The following AKAP12 variants were observed in gnomAD, a reference collection of about 807,000 sequenced individuals.
AKAP12 encodes A-kinase anchoring protein 12.
AKAP12 carries 32 observed loss-of-function variants against 79.9 expected under a neutral mutation model. The observed-to-expected ratio is 0.40, with a 90% CI of 0.30 to 0.54. The LOEUF is 0.54. Among genes scored for constraint, AKAP12 ranks in the 20% least tolerant of loss-of-function variants. AKAP12 has a pLI of 0.48. For missense variants in AKAP12, 2,074 were observed against 2,177.0 expected (o/e 0.95, Z 0.94); for synonymous variants, 808 against 857.0 (o/e 0.94, Z 1.00).
intron 2 of AKAP12, among the ~76,000 whole-genome samples, chr6:151,245,652 G>T (rs1367456110): frequency 1.8e-5 from 1 of 56,804 alleles, no homozygotes; most frequent in African/African-American, 5.1e-5. Flanking sequence ...GAGAGACTCC[G>T]TCTCAAAAAA....
At chr6:151,331,470 A>G (rs182127655) in intron 3 of AKAP12, among the ~76,000 whole-genome samples, 1 of 152,238 alleles carries the variant, frequency 6.6e-6, no homozygotes, top group African/African-American at 2.4e-5. Flanking sequence ...TTAGAAAAAC[A>G]TAAAGCAAAA....
chr6:151,352,053 C>G lies in AKAP12; in HGVS notation c.3662C>G (p.Pro1221Arg). 1 of 1,614,130 alleles carries G rather than the reference C, an allele frequency of 6.2e-7. No individual in the cohort carries two copies. Among genetic ancestry groups the G allele is most frequent in the South Asian group, 1.1e-5 (1 of 91,076 alleles). Reference protein sequence around the residue: ...AEAVPAQKERPPAPSSFVFQE... With the variant: ...AEAVPAQKERRPAPSSFVFQE... The stretch of plus-strand genomic sequence containing the variant: ...GCAGTTCCTGCACAGAAAGAGAGGC[C>G]TCCAGCACCTTCCAGTTTTGTGTTC... Residue 1221 changes from proline (P) to arginine (R), a missense_variant, in exon 4 of 5, where the codon CCT becomes CGT. Physicochemically the swap from Pro to Arg is moderately radical, Grantham distance 103. Around this residue, in one of 3 missense-constraint regions of AKAP12, gnomAD observed 614 missense variants for 665.6 expected, o/e 0.92. Transcript: ENST00000402676.
chr6:151,284,433 C>T (rs1168181184), intron 2 of AKAP12, among the ~76,000 whole-genome samples: 1 of 152,124 alleles, frequency 6.6e-6, no homozygotes, highest in South Asian at 2.1e-4. Context: ...TGAGACCAGC[C>T]TGGGCAACAT....
chr6:151,262,600 C>T (rs1448368229), intron 2 of AKAP12, among the ~76,000 whole-genome samples: 2 of 112,110 alleles, frequency 1.8e-5, no homozygotes, highest in African/African-American at 7.1e-5. Flanking sequence ...CAAGTTCAAA[C>T]ACTTGAAGTT....
At chr6:151,252,874 C>T (rs1403484495) in intron 2 of AKAP12, among the ~76,000 whole-genome samples, 1 of 152,112 alleles carries the variant, frequency 6.6e-6, no homozygotes, top group Non-Finnish European at 1.5e-5. Flanking sequence ...AATGAAAGAG[C>T]CTGGTCATTG....
intron 2 of AKAP12, among the ~76,000 whole-genome samples, chr6:151,254,152 A>G (rs1303653708): frequency 6.6e-6 from 1 of 152,234 alleles, no homozygotes; most frequent in African/African-American, 2.4e-5. Context: ...ACATGTCACT[A>G]CAAAAGTTTA....
chr6:151,353,387 G>A lies in AKAP12; in HGVS notation c.4996G>A (p.Glu1666Lys). The A allele has an allele frequency of 6.2e-7, 1 of 1,614,194 alleles. No individual in the cohort carries two copies. Among genetic ancestry groups the A allele is most frequent in the Admixed American group, 1.7e-5 (1 of 60,026 alleles). The stretch of plus-strand genomic sequence containing the variant: ...AGAGGTCGTCCTCCCATCTGAGGAA[G>A]AGGGAGGTGGAGCTGGAACAAAGTC... ...LEEVVLPSEE[E>K]GGGAGTKSVP... Residue 1666 changes from glutamate (E) to lysine (K), a missense_variant, in exon 4 of 5, where the codon GAG (glutamate) becomes AAG (lysine). By Grantham distance (56) the Glu-to-Lys change is moderately conservative. Transcript: ENST00000402676.
intron 2 of AKAP12, among the ~76,000 whole-genome samples, chr6:151,252,315 C>A (rs1467237232): frequency 1.3e-5 from 2 of 151,934 alleles, no homozygotes; most frequent in Non-Finnish European, 2.9e-5. Flanking sequence ...CATGCCTCAG[C>A]CTCTCGAGTA....
chr6:151,316,207 G>A (rs533199361), intron 3 of AKAP12, among the ~76,000 whole-genome samples: 2 of 152,102 alleles, frequency 1.3e-5, no homozygotes, highest in South Asian at 2.1e-4. Context: ...TTTACTTCAA[G>A]TATCAGTATA....
At chr6:151,294,896 G>C (rs1286710591) in intron 2 of AKAP12, among the ~76,000 whole-genome samples, 1 of 152,320 alleles carries the variant, frequency 6.6e-6, no homozygotes, top group East Asian at 1.9e-4. Context: ...GTGACTCAGA[G>C]AGGGTTCCTT....
Position 151,351,344 on chromosome 6 carries a change from T to C in AKAP12, c.2953T>C (p.Leu985=), listed in dbSNP as rs376534113. The C allele has an allele frequency of 2.0e-5, 33 of 1,614,008 alleles. 1 individual carries two copies. The East Asian group carries it at 4.7e-4, about 23-fold the overall frequency. ...AVTAAETAGP[L]GAEEGTEASA... is the part of the protein sequence containing the mutation. The stretch of plus-strand genomic sequence containing the variant: ...GACAGCTGCAGAAACTGCAGGGCCA[T>C]TGGGTGCCGAAGAAGGAACCGAAGC... Residue 985 remains leucine, a synonymous_variant, in exon 4 of 5, where the codon TTG becomes CTG. Coordinates refer to ENST00000402676, the MANE Select transcript of AKAP12 (RefSeq NM_005100.4). The surrounding 1 kb of genome is among the most constrained non-coding windows in gnomAD (Gnocchi z 4.4).
In AKAP12 at chr6:151,304,824, G is replaced by T. The variant is rs12665251; in HGVS notation, c.163-923G>T. On this transcript the variant is annotated intron_variant, in intron 2 of 4. Coordinates refer to ENST00000402676, the MANE Select transcript of AKAP12 (RefSeq NM_005100.4). ...GAACTCCTCGTGATCTGCCCGCCTC[G>T]GCCTCCCAAAGTGCTGGGATTACAA... 2.3e-4 allele frequency among the ~76,000 whole-genome samples: 35 copies of T among 151,888 alleles called. No homozygotes were observed. The East Asian group carries it at 6.8e-3, about 30-fold the overall frequency.
intron 3 of AKAP12, chr6:151,324,728 C>T (rs937606827): frequency 2.0e-6 from 2 of 985,226 alleles, no homozygotes; most frequent in African/African-American, 3.5e-5. Flanking sequence ...CCCAGGGGAC[C>T]TAACGGACCC....
In AKAP12 at chr6:151,341,608, G is replaced by T. The variant is rs567758071; in HGVS notation, c.320-7103G>T. ...GAGCTATGGCAGCCGGCAGGGGCGC[G>T]CTGGGCCTCACGGGCGGCTGTTGGG... On this transcript the variant is annotated intron_variant, in intron 3 of 4. Transcript: ENST00000402676. The T allele has an allele frequency of 3.2e-4, 258 of 800,872 alleles. 3 individuals are homozygous for T. In the South Asian group the frequency reaches 5.4e-3, roughly 17 times the overall value. The allele number at this position is 800,872 out of a possible 1,614,324, so 49.6% of individuals were successfully genotyped here.
intron 2 of AKAP12, among the ~76,000 whole-genome samples, chr6:151,252,030 A>C (rs1797187572): frequency 6.6e-6 from 1 of 152,064 alleles, no homozygotes; most frequent in African/African-American, 2.4e-5. Context: ...AAATAGAAGT[A>C]AAGCAGAGGT....
At chr6:151,280,120 T>G (rs1007726711) in intron 2 of AKAP12, among the ~76,000 whole-genome samples, 1 of 151,846 alleles carries the variant, frequency 6.6e-6, no homozygotes, top group Non-Finnish European at 1.5e-5. Flanking sequence ...TAAGCACCTT[T>G]TGGTTCAGTA....
At chr6:151,342,509 G>A (rs1212375495) in intron 3 of AKAP12, among the ~76,000 whole-genome samples, 1 of 152,204 alleles carries the variant, frequency 6.6e-6, no homozygotes, top group African/African-American at 2.4e-5. Flanking sequence ...TGTATGGAGT[G>A]AGTAGATTGC....
At chr6:151,325,653 C>G (rs1014634485) in intron 3 of AKAP12, 1 of 1,403,420 alleles carries the variant, frequency 7.1e-7, no homozygotes, top group African/African-American at 1.5e-5. Flanking sequence ...CTATAATTAT[C>G]TGGGGAAATG....
At chr6:151,291,766 C>G (rs1388303256) in intron 2 of AKAP12, among the ~76,000 whole-genome samples, 1 of 152,178 alleles carries the variant, frequency 6.6e-6, no homozygotes, top group Non-Finnish European at 1.5e-5. Context: ...TTTAAGTAAC[C>G]GATGGATGCC....
Sources: gnomAD v4.1 joint callset for allele counts (sites outside exome capture counted in the v4.1 genomes callset) on GRCh38, gnomAD v4.1.1 for gene constraint, gnomAD v4.1.1 regional missense constraint, Gnocchi (gnomAD v3.1) non-coding constraint, MANE v1.5 for transcripts, NCBI Gene and HGNC (gene_info 2026-07-23, HGNC 2026-07-21) for gene names.